IFT81: variants seen among roughly 807,000 people sequenced by gnomAD.
IFT81 encodes the protein intraflagellar transport 81.
In IFT81, 72 loss-of-function variants were observed where a neutral mutation model predicts 102.6. That is an observed-to-expected ratio of 0.70 (90% confidence interval 0.58 to 0.85). The LOEUF is 0.85. Ranked by LOEUF, IFT81 falls within the 40% of genes least tolerant of loss-of-function variation. IFT81 has a pLI of 0.00. For missense variants in IFT81, 723 were observed against 787.3 expected (o/e 0.92, Z 0.98); for synonymous variants, 237 against 242.7 (o/e 0.98, Z 0.22).
intron 14 of IFT81, among the ~76,000 whole-genome samples, chr12:110,196,930 G>T (rs190039373): frequency 2.0e-5 from 3 of 152,132 alleles, no homozygotes; most frequent in Admixed American, 1.3e-4. Context: ...CCAGGCAGCA[G>T]TTGCTCATGA....
At chr12:110,208,780 G>T (rs1419515055) in intron 17 of IFT81, among the ~76,000 whole-genome samples, 1 of 152,094 alleles carries the variant, frequency 6.6e-6, no homozygotes, top group African/African-American at 2.4e-5. Context: ...CCTAGAAGTA[G>T]AATTGCAAGA....
chr12:110,195,979 A>G (rs561996245), intron 14 of IFT81, among the ~76,000 whole-genome samples: 3 of 152,046 alleles, frequency 2.0e-5, no homozygotes, highest in Admixed American at 6.6e-5. Context: ...AAGAATGTCT[A>G]TTTTCCAGTT....
intron 18 of IFT81, among the ~76,000 whole-genome samples, chr12:110,214,444 C>T (rs566191636): frequency 3.0e-4 from 45 of 152,146 alleles, no homozygotes; most frequent in African/African-American, 1.1e-3. Context: ...CAAACCCAGC[C>T]TTTCAAAGTG....
At chr12:110,148,338 T>G (rs1240519937) in intron 10 of IFT81, among the ~76,000 whole-genome samples, 1 of 152,184 alleles carries the variant, frequency 6.6e-6, no homozygotes, top group Admixed American at 6.6e-5. Flanking sequence ...TAGGTGGTAT[T>G]ACATACTTTT....
At chr12:110,176,513 T>C (rs1233975807) in intron 11 of IFT81, among the ~76,000 whole-genome samples, 1 of 152,264 alleles carries the variant, frequency 6.6e-6, no homozygotes, top group Non-Finnish European at 1.5e-5. Context: ...ACTTGTGTTT[T>C]ATAAGTCTGA....
chr12:110,148,959 G>T (rs1262073668), intron 10 of IFT81, among the ~76,000 whole-genome samples: 1 of 151,984 alleles, frequency 6.6e-6, no homozygotes, highest in Non-Finnish European at 1.5e-5. Context: ...GCTATTTTTT[G>T]TTGTTTTTTG....
chr12:110,158,805 G>A (rs1322287913), intron 10 of IFT81, among the ~76,000 whole-genome samples: 1 of 151,276 alleles, frequency 6.6e-6, no homozygotes, highest in Non-Finnish European at 1.5e-5. Flanking sequence ...AGCCAGGATG[G>A]TCTCGATCTC....
chr12:110,203,816 G>C, intron 14 of IFT81, 48 bp from the exon 15 acceptor site: 1 of 1,247,410 alleles, frequency 8.0e-7, no homozygotes, highest in East Asian at 2.3e-5. Context: ...AGCCATGTTT[G>C]GGACCTTTGT....
rs751497110 is a variant in IFT81, at chr12:110,192,684, G to A, written c.1535G>A (p.Arg512Gln). 112 of 1,579,610 alleles carry A rather than the reference G, an allele frequency of 7.1e-5. No homozygotes were observed. The East Asian group carries it at 1.9e-3, about 27-fold the overall frequency. Residue 512 changes from arginine (R) to glutamine (Q), a missense_variant, in exon 14 of 19, where the codon CGA becomes CAA. Coordinates refer to ENST00000242591, the MANE Select transcript of IFT81 (RefSeq NM_014055.4). Reference protein sequence around the residue: ...SALASVIKELRQLRQKYQELT... With the variant: ...SALASVIKELQQLRQKYQELT... ...CTTGCCTCAGTTATAAAAGAGCTAC[G>A]ACAGTTGCGTCAAAAATATCAAGTA...
At chr12:110,126,388 G>T (rs1893844981) in intron 1 of IFT81, among the ~76,000 whole-genome samples, 1 of 152,138 alleles carries the variant, frequency 6.6e-6, no homozygotes, top group Non-Finnish European at 1.5e-5. Context: ...AGAACCTGGA[G>T]GATAGCTTGA....
At position 110,165,038 on chromosome 12, in the gene IFT81, C is replaced by A. The variant is rs376046584; in HGVS notation, c.1188+1973C>A. ...AAAAAACCTAGTGCCAGGTTATTAG[C>A]CTTTATTTTTGAGAAATCATGGTGA... On this transcript the variant is annotated intron_variant, in intron 11 of 18. Transcript: ENST00000242591. Among the ~76,000 whole-genome samples the A allele has an allele frequency of 3.7e-4, 56 of 151,778 alleles. 1 individual carries two copies. In the South Asian group the frequency reaches 0.01, roughly 28 times the overall value.
intron 11 of IFT81, among the ~76,000 whole-genome samples, chr12:110,170,910 ATCT>A (rs1475410138): frequency 6.6e-6 from 1 of 152,228 alleles, no homozygotes; most frequent in African/African-American, 2.4e-5. Context: ...AGATTATGAA[ATCT>A]TCTTTAAATA....
chr12:110,163,657 C>T (rs993893066), intron 11 of IFT81, among the ~76,000 whole-genome samples: 31 of 150,630 alleles, frequency 2.1e-4, no homozygotes, highest in Non-Finnish European at 4.1e-4. Context: ...GCTCTGTCGC[C>T]CAGGCTGGAG....
In IFT81 at chr12:110,127,306, C is replaced by A. The variant is rs375432200; in HGVS notation, c.-21-54C>A. 22 of 1,365,512 alleles carry A rather than the reference C, an allele frequency of 1.6e-5. 1 individual carries two copies. In the East Asian group the frequency reaches 2.0e-4, roughly 12 times the overall value. The allele number at this position is 1,365,512 out of a possible 1,614,324, so 84.6% of individuals were successfully genotyped here. Reference sequence around the variant, plus strand: ...GTATGAACTTAATTCTGGTTTTTACCCAGGACTTTTGTTGCCAGTATTAAG... The same window carrying A: ...GTATGAACTTAATTCTGGTTTTTACACAGGACTTTTGTTGCCAGTATTAAG... On this transcript the variant is annotated intron_variant, in intron 1 of 18. Coordinates refer to ENST00000242591, the MANE Select transcript of IFT81 (RefSeq NM_014055.4).
intron 11 of IFT81, among the ~76,000 whole-genome samples, chr12:110,172,942 T>TCG: frequency 8.7e-6 from 1 of 114,478 alleles, no homozygotes; most frequent in Admixed American, 8.3e-5. Flanking sequence ...GGGAGGGAGG[T>TCG]GGGGGTCAGC....
intron 11 of IFT81, chr12:110,169,040 CCTTCCT>C (rs1896600973): frequency 2.1e-5 from 3 of 141,006 alleles, no homozygotes; most frequent in Non-Finnish European, 4.6e-5. Context: ...TTCCTTCCTT[CCTTCCT>C]TCCTTCCTTC....
At chr12:110,216,617 TCTCCTGC>T (rs1434580540) in intron 18 of IFT81, 1 of 449,538 alleles carries the variant, frequency 2.2e-6, no homozygotes, top group African/African-American at 2.0e-5. Flanking sequence ...TTCAAGCAAT[TCTCCTGC>T]CTCAGCCTTC....
chr12:110,173,145 G>A (rs1593333481), intron 11 of IFT81, among the ~76,000 whole-genome samples: 2 of 145,478 alleles, frequency 1.4e-5, no homozygotes, highest in Non-Finnish European at 3.0e-5. Context: ...CCGGCCAGCC[G>A]CCCCGTCCAG....
rs1486085775 is a variant in IFT81, at chr12:110,184,116, C to T, written c.1338+3545C>T. Among the ~76,000 whole-genome samples, 13 of 152,188 alleles carry T rather than the reference C, an allele frequency of 8.5e-5. No homozygotes were observed. In the South Asian group the frequency reaches 1.5e-3, roughly 17 times the overall value. On this transcript the variant is annotated intron_variant, in intron 12 of 18. Coordinates refer to ENST00000242591, the MANE Select transcript of IFT81 (RefSeq NM_014055.4). ...CTGTAATCCCAGCACTTTGGGAGGC[C>T]GAGGCGGGTGGATCACGAGGTCAGG...
Sources: gnomAD v4.1 joint callset for allele counts (sites outside exome capture counted in the v4.1 genomes callset) on GRCh38, gnomAD v4.1.1 for gene constraint, MANE v1.5 for transcripts, NCBI Gene and HGNC (gene_info 2026-07-23, HGNC 2026-07-21) for gene names.